ACVR2A: variants seen among roughly 807,000 people sequenced by gnomAD.
ACVR2A encodes activin A receptor type 2A.
ACVR2A carries 7 observed loss-of-function variants against 61.4 expected under a neutral mutation model. The observed-to-expected ratio is 0.11, with a 90% CI of 0.06 to 0.21. The LOEUF is 0.21. Ranked by LOEUF, ACVR2A falls within the 10% of genes least tolerant of loss-of-function variation. ACVR2A has a pLI of 1.00. For synonymous variants in ACVR2A, 193 were observed against 208.3 expected, an observed-to-expected ratio of 0.93 and a Z score of 0.63; for missense variants, 322 against 621.7, an observed-to-expected ratio of 0.52 and a Z score of 5.13.
chr2:147,923,028 A>G lies in ACVR2A; in HGVS notation c.1133A>G (p.Gln378Arg). The G allele has an allele frequency of 6.2e-7, 1 of 1,613,432 alleles. No individual in the cohort carries two copies. Among genetic ancestry groups the G allele is most frequent in the Non-Finnish European group, 8.5e-7 (1 of 1,179,546 alleles). Reference sequence around the variant, plus strand: ...GTATTAGAGGGTGCTATAAACTTCCAAAGGGATGCATTTTTGAGGATAGAT... The same window carrying G: ...GTATTAGAGGGTGCTATAAACTTCCGAAGGGATGCATTTTTGAGGATAGAT... ...PEVLEGAINF[Q>R]RDAFLRIDMY... The change falls in exon 9 of 11, where the codon CAA becomes CGA. Residue 378 changes from glutamine (Q) to arginine (R), a missense_variant. This residue lies in a region of ACVR2A where 146 missense variants were observed against 383.8 expected (regional missense o/e 0.38). Transcript: ENST00000241416.
At chr2:147,894,043 G>A (rs1238414658) in intron 1 of ACVR2A, among the ~76,000 whole-genome samples, 5 of 152,064 alleles carry the variant, frequency 3.3e-5, no homozygotes, top group African/African-American at 9.7e-5. Flanking sequence ...TGTATATGGC[G>A]TGATATATGG....
At chr2:147,873,226 A>G (rs1156331963) in intron 1 of ACVR2A, among the ~76,000 whole-genome samples, 2 of 151,962 alleles carry the variant, frequency 1.3e-5, no homozygotes, top group South Asian at 2.1e-4. Flanking sequence ...GGTGCTACAA[A>G]AGAAATGCAA....
At chr2:147,866,425 C>A (rs1685857035) in intron 1 of ACVR2A, among the ~76,000 whole-genome samples, 1 of 152,140 alleles carries the variant, frequency 6.6e-6, no homozygotes, top group Non-Finnish European at 1.5e-5. Context: ...CCAAGAGGCT[C>A]CCAGTGATGC....
chr2:147,895,054 G>T (rs1686693865), intron 1 of ACVR2A, among the ~76,000 whole-genome samples: 1 of 152,000 alleles, frequency 6.6e-6, no homozygotes, highest in South Asian at 2.1e-4. Flanking sequence ...ATTAAGAAAA[G>T]ATATATGTCA....
intron 1 of ACVR2A, among the ~76,000 whole-genome samples, chr2:147,867,056 G>A (rs762067204): frequency 9.2e-5 from 14 of 152,176 alleles, no homozygotes; most frequent in Non-Finnish European, 1.8e-4. Context: ...AAGAAATCTA[G>A]ATGGAGACAG....
At chr2:147,866,477 A>G (rs983953867) in intron 1 of ACVR2A, among the ~76,000 whole-genome samples, 1 of 152,208 alleles carries the variant, frequency 6.6e-6, no homozygotes, top group Non-Finnish European at 1.5e-5. Context: ...GAAAGAGATT[A>G]AAGGAGCCAA....
At chr2:147,917,023 G>A (rs535349938) in intron 5 of ACVR2A, among the ~76,000 whole-genome samples, 5 of 151,970 alleles carry the variant, frequency 3.3e-5, no homozygotes, top group Non-Finnish European at 7.4e-5. Context: ...ACAGAATGCA[G>A]CATTTCCGAT....
intron 1 of ACVR2A, among the ~76,000 whole-genome samples, chr2:147,891,458 A>G (rs950548858): frequency 1.3e-5 from 2 of 151,974 alleles, no homozygotes; most frequent in Non-Finnish European, 2.9e-5. Context: ...AGACCGCACA[A>G]CCTATGGGCC....
chr2:147,875,059 C>T (rs915167246), intron 1 of ACVR2A, among the ~76,000 whole-genome samples: 8 of 151,618 alleles, frequency 5.3e-5, no homozygotes, highest in Non-Finnish European at 1.0e-4. Context: ...TGTGTAGAGG[C>T]GAAGCGGGAT....
chr2:147,899,264 T>A (rs1381875370), intron 2 of ACVR2A, 194 bp from the exon 3 acceptor site: 2 of 397,658 alleles, frequency 5.0e-6, no homozygotes, highest in Admixed American at 8.3e-5. Flanking sequence ...CAGTTGTTAA[T>A]TTTTTTTTCT....
At chr2:147,892,883 C>T (rs977392750) in intron 1 of ACVR2A, among the ~76,000 whole-genome samples, 6 of 150,316 alleles carry the variant, frequency 4.0e-5, no homozygotes, top group Non-Finnish European at 7.4e-5. Flanking sequence ...AGTTTCTTTT[C>T]TATTGTTTTT....
In ACVR2A at chr2:147,887,211, CAAAAAAAAA is replaced by C. The variant is rs549077029; in HGVS notation, c.56-9084_56-9076del. Reference sequence around the variant, plus strand: ...TAGGCTATAGAGCGAGATCTTGTCTCAAAAAAAAAAAAAAGTTTAAAGAAGGGAAACTAG... The same window carrying C: ...TAGGCTATAGAGCGAGATCTTGTCTCAAAAAGTTTAAAGAAGGGAAACTAG... On this transcript the variant is annotated intron_variant, in intron 1 of 10. Transcript: ENST00000241416. Among the ~76,000 whole-genome samples, 43 of 114,034 alleles carry C rather than the reference CAAAAAAAAA, an allele frequency of 3.8e-4. No homozygotes were observed. In the South Asian group the frequency reaches 0.011, roughly 30 times the overall value. The allele number at this position is 114,034 out of a possible 152,430, so 74.8% of individuals were successfully genotyped here.
Position 147,926,215 on chromosome 2 carries a change from G to T in ACVR2A, c.1347+54G>T. On this transcript the variant is annotated intron_variant, in intron 10 of 10. Transcript: ENST00000241416. Reference sequence around the variant, plus strand: ...AAATTCCAATAAAACACTTTTCAGAGGAATTATTTATCTCTGCACATTTCT... The same window carrying T: ...AAATTCCAATAAAACACTTTTCAGATGAATTATTTATCTCTGCACATTTCT... The T allele has an allele frequency of 2.5e-6, 4 of 1,577,084 alleles. No homozygotes were observed. The South Asian group carries it at 4.6e-5, about 18-fold the overall frequency.
At chr2:147,857,347 G>A (rs1330178728) in intron 1 of ACVR2A, among the ~76,000 whole-genome samples, 4 of 151,916 alleles carry the variant, frequency 2.6e-5, no homozygotes, top group South Asian at 2.1e-4. Context: ...TTAATATCTA[G>A]CCTTGCATCT....
chr2:147,899,580 G>A lies in ACVR2A; in HGVS notation c.373+13G>A. On this transcript the variant is annotated intron_variant, in intron 3 of 10. Transcript: ENST00000241416. ...GAAGTCACACAGCGTAAGTTCACAGGGAAAATACGTAGGTTTGCTCAACTG... is the reference window on the plus strand; with the variant it reads ...GAAGTCACACAGCGTAAGTTCACAGAGAAAATACGTAGGTTTGCTCAACTG... The A allele has an allele frequency of 2.5e-6, 4 of 1,606,112 alleles. No homozygotes were observed. In the East Asian group the frequency reaches 8.9e-5, roughly 36 times the overall value.
chr2:147,905,000 C>A lies in ACVR2A; in HGVS notation c.528+5102C>A, dbSNP rs539580637. Among the ~76,000 whole-genome samples the A allele has an allele frequency of 2.0e-5, 3 of 152,056 alleles. No individual in the cohort carries two copies. The South Asian group carries it at 6.2e-4, about 32-fold the overall frequency. On this transcript the variant is annotated intron_variant, in intron 4 of 10. Transcript: ENST00000241416. Reference sequence around the variant, plus strand: ...CACATCTCTTTCTCTTCTGCTTTTTCTCTCTTCATTTAAAATTCTCTTCTA... The same window carrying A: ...CACATCTCTTTCTCTTCTGCTTTTTATCTCTTCATTTAAAATTCTCTTCTA...
intron 1 of ACVR2A, among the ~76,000 whole-genome samples, chr2:147,858,722 A>G (rs1351894796): frequency 6.6e-6 from 1 of 152,200 alleles, no homozygotes; most frequent in African/African-American, 2.4e-5. Context: ...AGGGCCAGAT[A>G]GTATTTTAGG....
At chr2:147,924,269 A>G (rs1687450914) in intron 9 of ACVR2A, among the ~76,000 whole-genome samples, 1 of 152,064 alleles carries the variant, frequency 6.6e-6, no homozygotes. Context: ...TGAACTCTCC[A>G]TAACAAATCA....
chr2:147,863,258 A>G (rs892782662), intron 1 of ACVR2A, among the ~76,000 whole-genome samples: 1 of 152,178 alleles, frequency 6.6e-6, no homozygotes. Context: ...CTTGAAACCT[A>G]TGATGTGGTA....
Sources: gnomAD v4.1 joint callset for allele counts (sites outside exome capture counted in the v4.1 genomes callset) on GRCh38, gnomAD v4.1.1 for gene constraint, gnomAD v4.1.1 regional missense constraint, MANE v1.5 for transcripts, NCBI Gene and HGNC (gene_info 2026-07-23, HGNC 2026-07-21) for gene names.